ANXA8: variants seen among roughly 807,000 people sequenced by gnomAD.
The protein encoded by ANXA8 is annexin A8.
A neutral mutation model predicts 26.8 loss-of-function variants in ANXA8; 9 were observed. The ratio of observed to expected loss-of-function variants is 0.34; its 90% confidence interval spans 0.20 to 0.59. ANXA8 has a LOEUF of 0.59. Ranked by LOEUF, ANXA8 falls within the 20% of genes least tolerant of loss-of-function variation. ANXA8 has a pLI of 0.84. For missense variants in ANXA8, 83 were observed against 238.5 expected, an observed-to-expected ratio of 0.35 and a Z score of 4.29; for synonymous variants, 39 against 94.8, an observed-to-expected ratio of 0.41 and a Z score of 3.42.
At chr10:47,644,221 G>C in the ANXA8 span, among the ~76,000 whole-genome samples, 2 of 147,914 alleles carry the variant, frequency 1.4e-5, no homozygotes, top group African/African-American at 5.3e-5. Context: ...TCTACCTGGA[G>C]AAAAACATAG....
chr10:47,576,763 T>G, the ANXA8 span, among the ~76,000 whole-genome samples: 1 of 150,476 alleles, frequency 6.6e-6, no homozygotes, highest in Non-Finnish European at 1.5e-5. Context: ...CAAACAATCC[T>G]CCCACCTCAG....
At chr10:47,894,628 C>T in the ANXA8 span, among the ~76,000 whole-genome samples, 1 of 150,068 alleles carries the variant, frequency 6.7e-6, no homozygotes, top group African/African-American at 2.5e-5. Flanking sequence ...ACACACACCA[C>T]ACACTACACA....
the ANXA8 span, among the ~76,000 whole-genome samples, chr10:47,701,696 A>G: frequency 2.0e-5 from 3 of 151,862 alleles, no homozygotes; most frequent in African/African-American, 4.8e-5. Context: ...TGCAGGAAGG[A>G]TAAACCAGAA....
At chr10:47,687,854 C>G in the ANXA8 span, among the ~76,000 whole-genome samples, 1 of 151,876 alleles carries the variant, frequency 6.6e-6, no homozygotes, top group East Asian at 1.9e-4. Flanking sequence ...AATCCCAACA[C>G]TTTGGGAGGC....
chr10:47,553,969 G>T, the ANXA8 span, among the ~76,000 whole-genome samples: 2 of 149,190 alleles, frequency 1.3e-5, no homozygotes, highest in Admixed American at 1.3e-4. Flanking sequence ...GCGTTCTGGG[G>T]GTGCCCTATA....
the ANXA8 span, among the ~76,000 whole-genome samples, chr10:47,953,492 A>C: frequency 2.0e-4 from 30 of 150,834 alleles, no homozygotes; most frequent in Non-Finnish European, 2.9e-5. Context: ...TAATGCTGTC[A>C]CTTCGAAAAA....
chr10:47,475,254 C>T (rs1487760449), intron 6 of ANXA8, among the ~76,000 whole-genome samples: 217 of 146,886 alleles, frequency 1.5e-3, no homozygotes, highest in African/African-American at 5.3e-3. Context: ...GAGGCCTGCA[C>T]GAAGGACCTG....
At chr10:47,557,464 A>C in the ANXA8 span, among the ~76,000 whole-genome samples, 1 of 150,440 alleles carries the variant, frequency 6.6e-6, no homozygotes, top group African/African-American at 2.5e-5. Flanking sequence ...TCCTCATTTT[A>C]AATTAAGTTA....
the ANXA8 span, among the ~76,000 whole-genome samples, chr10:47,628,820 A>C: frequency 6.7e-6 from 1 of 149,140 alleles, no homozygotes; most frequent in African/African-American, 2.6e-5. Flanking sequence ...GAAAAAGGAG[A>C]CTTCTCAGAT....
chr10:47,510,877 AT>A, the ANXA8 span, among the ~76,000 whole-genome samples: 2,512 of 129,024 alleles, frequency 0.019, 49 homozygotes, highest in African/African-American at 0.069. Flanking sequence ...GAGATTTCAT[AT>A]TTTTTTCTAC....
the ANXA8 span, among the ~76,000 whole-genome samples, chr10:47,733,231 C>CTT: frequency 2.2e-3 from 164 of 74,764 alleles, no homozygotes; most frequent in Middle Eastern, 0.012. Context: ...CTCTTTCTTT[C>CTT]TCTCTTTCTT....
At chr10:47,487,791 T>C (rs1258502408), upstream of ANXA8, among the ~76,000 whole-genome samples, 4 of 147,400 alleles carry the variant, frequency 2.7e-5, no homozygotes, top group Admixed American at 6.8e-5. Flanking sequence ...TTTTTGGCTA[T>C]AGAAAATTTC....
chr10:47,733,291 CTTTCT>C, the ANXA8 span, among the ~76,000 whole-genome samples: 9 of 65,248 alleles, frequency 1.4e-4, no homozygotes, highest in East Asian at 9.5e-4. Context: ...TTCTTTCTTT[CTTTCT>C]TTTTTTTCTT....
chr10:47,596,073 G>A, the ANXA8 span, among the ~76,000 whole-genome samples: 11 of 133,488 alleles, frequency 8.2e-5, no homozygotes, highest in East Asian at 4.1e-4. Context: ...TTCTTGGACC[G>A]CAGTAGAATA....
chr10:47,505,404 C>T, the ANXA8 span, among the ~76,000 whole-genome samples: 3 of 114,080 alleles, frequency 2.6e-5, no homozygotes, highest in Non-Finnish European at 3.6e-5. Context: ...TTCTTAAGAA[C>T]GTCTTTGATG....
the ANXA8 span, among the ~76,000 whole-genome samples, chr10:47,945,857 A>C: frequency 7.9e-6 from 1 of 126,434 alleles, no homozygotes; most frequent in Admixed American, 8.0e-5. Flanking sequence ...ACAGAATCAA[A>C]GATGTGGCCC....
At chr10:47,502,937 T>C in the ANXA8 span, 6 of 1,600,602 alleles carry the variant, frequency 3.7e-6, no homozygotes, top group African/African-American at 5.7e-5. Flanking sequence ...TTCTTTTTAT[T>C]GGCATGAGGA....
the ANXA8 span, among the ~76,000 whole-genome samples, chr10:47,778,571 AT>A: frequency 6.6e-6 from 1 of 151,752 alleles, no homozygotes; most frequent in African/African-American, 2.4e-5. Flanking sequence ...ATTATTCTAT[AT>A]CTGCCTCAGT....
chr10:47,968,228 T>A, the ANXA8 span, among the ~76,000 whole-genome samples: 1 of 150,228 alleles, frequency 6.7e-6, no homozygotes, highest in Non-Finnish European at 1.5e-5. Flanking sequence ...CCTGCTAAGC[T>A]TTGTTTCCTA....
Sources: gnomAD v4.1 joint callset for allele counts (sites outside exome capture counted in the v4.1 genomes callset) on GRCh38, gnomAD v4.1.1 for gene constraint, MANE v1.5 for transcripts, NCBI Gene and HGNC (gene_info 2026-07-23, HGNC 2026-07-21) for gene names.